The following PAX5 variants were observed in gnomAD, a reference collection of about 807,000 sequenced individuals.
The protein encoded by PAX5 is paired box protein Pax-5.
In PAX5, 9 loss-of-function variants were observed where a neutral mutation model predicts 43.7. The ratio of observed to expected loss-of-function variants is 0.21; its 90% CI spans 0.12 to 0.36. PAX5 has a LOEUF of 0.36. Among genes scored for constraint, PAX5 ranks in the 10% least tolerant of loss-of-function variants. The pLI is 1.00. For synonymous variants in PAX5, 228 were observed against 214.3 expected, an observed-to-expected ratio of 1.06 and a Z score of -0.56; for missense variants, 383 against 532.7, an observed-to-expected ratio of 0.72 and a Z score of 2.77.
intron 8 of PAX5, among the ~76,000 whole-genome samples, chr9:36,848,505 G>A (rs540311120): frequency 2.0e-5 from 3 of 152,228 alleles, no homozygotes; most frequent in South Asian, 2.1e-4. Context: ...CAGAGGGAGA[G>A]CCCGATGACA....
chr9:36,879,584 G>C (rs1826221495), intron 8 of PAX5, among the ~76,000 whole-genome samples: 2 of 152,074 alleles, frequency 1.3e-5, no homozygotes, highest in Admixed American at 1.3e-4. Flanking sequence ...GAGGTAGAAG[G>C]GGCCAAAGAC....
rs540811536 is a variant in PAX5 at position 36,882,039 on chromosome 9, C to A, written c.977G>T (p.Ser326Ile). Residue 326 changes from serine to isoleucine, a missense_variant, in exon 8 of 10, where the codon AGC becomes ATC. By Grantham distance (142) the Ser-to-Ile change is moderately radical. This residue lies in a region of PAX5 where 291 missense variants were observed against 342.5 expected (regional missense o/e 0.85). Coordinates refer to ENST00000358127, the MANE Select transcript of PAX5 (RefSeq NM_016734.3). The surrounding 1 kb of genome is among the most constrained non-coding windows in gnomAD (Gnocchi z 4.4). ...CCCTGTCAGCGTCGGTGCTGAGTAG[C>A]TGCCCTGTCCAGCGGGGGGGACGTG... ...PPHVPPAGQGSYSAPTLTGMV... is the reference protein window; with the variant it reads ...PPHVPPAGQGIYSAPTLTGMV... The A allele has an allele frequency of 6.2e-7, 1 of 1,613,134 alleles. No individual in the cohort carries two copies. The highest frequency in any genetic ancestry group is 8.5e-7 in the Non-Finnish European group (1 of 1,179,466).
At chr9:36,888,978 C>T (rs9298973) in intron 7 of PAX5, among the ~76,000 whole-genome samples, 124,509 of 152,176 alleles carry the variant, frequency 0.82, 52,090 homozygotes, top group Non-Finnish European at 0.91. Context: ...GGTAATACAA[C>T]GATCTGAGCA....
intron 6 of PAX5, among the ~76,000 whole-genome samples, chr9:36,957,503 G>T (rs1833591369): frequency 6.6e-6 from 1 of 152,142 alleles, no homozygotes; most frequent in African/African-American, 2.4e-5. Flanking sequence ...TAAGAAAGAA[G>T]ATTCAAAGCT....
chr9:36,895,147 G>A (rs10814468), intron 7 of PAX5, among the ~76,000 whole-genome samples: 9,609 of 152,294 alleles, frequency 0.063, 373 homozygotes, highest in Middle Eastern at 0.099. Flanking sequence ...TCCGGGGTCC[G>A]AATAAAACAT....
At chr9:36,969,922 A>T (rs1320824649) in intron 5 of PAX5, among the ~76,000 whole-genome samples, 1 of 152,238 alleles carries the variant, frequency 6.6e-6, no homozygotes, top group Non-Finnish European at 1.5e-5. Context: ...AAGGATTTGG[A>T]CACTCCAAAA....
chr9:36,883,620 G>C (rs538239297), intron 7 of PAX5, among the ~76,000 whole-genome samples: 56 of 152,292 alleles, frequency 3.7e-4, no homozygotes, highest in Admixed American at 3.7e-3. Flanking sequence ...GCAGTGAGCT[G>C]AGGTGGCACC....
chr9:36,908,160 C>T (rs1325188218), intron 7 of PAX5, among the ~76,000 whole-genome samples: 2 of 150,634 alleles, frequency 1.3e-5, no homozygotes, highest in Non-Finnish European at 3.0e-5. Flanking sequence ...GATCACACCG[C>T]TGCACTCCAG....
chr9:36,935,937 C>T (rs1412517773), intron 6 of PAX5, among the ~76,000 whole-genome samples: 2 of 152,260 alleles, frequency 1.3e-5, no homozygotes, highest in Admixed American at 6.5e-5. Context: ...GGCCTCCACT[C>T]CTCCACCAGA....
In PAX5 at chr9:36,901,948, C is replaced by T. The variant is rs1342891686; in HGVS notation, c.911-19843G>A. Among the ~76,000 whole-genome samples the T allele has an allele frequency of 3.3e-5, 5 of 152,170 alleles. No homozygotes were observed. In the East Asian group the frequency reaches 9.6e-4, roughly 29 times the overall value. ...AGCATACTTTCAGGGCTTGTCTCAC[C>T]AAACAATTTCCTTGCTCACATTAGA... is the stretch of plus-strand genomic sequence containing the variant. On this transcript the variant is annotated intron_variant, in intron 7 of 9. Transcript: ENST00000358127.
At chr9:36,961,728 T>C (rs901137682) in intron 6 of PAX5, among the ~76,000 whole-genome samples, 1 of 152,042 alleles carries the variant, frequency 6.6e-6, no homozygotes, top group African/African-American at 2.4e-5. Context: ...AGGGACCCGC[T>C]CCCAACAGGA....
At chr9:37,033,892 G>T (rs1444830500) in intron 1 of PAX5, 94 bp downstream of exon 1, 3 of 1,080,914 alleles carry the variant, frequency 2.8e-6, no homozygotes, top group Non-Finnish European at 2.8e-6. Flanking sequence ...AAAATGCGGC[G>T]CGCCCCCTCC....
At chr9:36,980,233 T>C (rs917782595) in intron 5 of PAX5, among the ~76,000 whole-genome samples, 1 of 152,212 alleles carries the variant, frequency 6.6e-6, no homozygotes, top group African/African-American at 2.4e-5. Context: ...GAGCCCAGCA[T>C]GAGAGTCTCT....
chr9:36,936,351 G>T (rs1831550505), intron 6 of PAX5, among the ~76,000 whole-genome samples: 1 of 152,198 alleles, frequency 6.6e-6, no homozygotes, highest in African/African-American at 2.4e-5. Flanking sequence ...GTCACGAGCA[G>T]CTCCAGAGCC....
chr9:36,892,060 T>C (rs899818640), intron 7 of PAX5, among the ~76,000 whole-genome samples: 2 of 152,220 alleles, frequency 1.3e-5, no homozygotes, highest in Non-Finnish European at 2.9e-5. Flanking sequence ...CATGCACATG[T>C]ATGACACCAG....
chr9:37,027,660 A>G (rs1840549134), intron 1 of PAX5, among the ~76,000 whole-genome samples: 1 of 152,128 alleles, frequency 6.6e-6, no homozygotes, highest in African/African-American at 2.4e-5. Context: ...ACAGTGCGCC[A>G]CCGCGCCGCC....
intron 6 of PAX5, among the ~76,000 whole-genome samples, chr9:36,966,167 C>T (rs574855049): frequency 3.3e-5 from 5 of 152,240 alleles, no homozygotes; most frequent in East Asian, 1.9e-4. Flanking sequence ...CCCCAGGCCG[C>T]GTGCTGGTTA....
At chr9:36,853,097 T>C (rs1270312899) in intron 8 of PAX5, among the ~76,000 whole-genome samples, 1 of 152,218 alleles carries the variant, frequency 6.6e-6, no homozygotes, top group Non-Finnish European at 1.5e-5. Context: ...GTCATATCGA[T>C]CTTCATCCCT....
intron 5 of PAX5, among the ~76,000 whole-genome samples, chr9:36,988,455 G>C (rs1836644011): frequency 6.6e-6 from 1 of 152,094 alleles, no homozygotes. Context: ...GAGCCCAAGA[G>C]TTCAAGACCA....
Sources: gnomAD v4.1 joint callset for allele counts (sites outside exome capture counted in the v4.1 genomes callset) on GRCh38, gnomAD v4.1.1 for gene constraint, gnomAD v4.1.1 regional missense constraint, Gnocchi (gnomAD v3.1) non-coding constraint, MANE v1.5 for transcripts, NCBI Gene and HGNC (gene_info 2026-07-23, HGNC 2026-07-21) for gene names.